Variants in STAB1 observed in about 807,000 individuals in gnomAD.
STAB1 encodes the protein stabilin-1.
A neutral mutation model predicts 332.4 loss-of-function variants in STAB1; 250 were observed. The observed-to-expected ratio is 0.75, with a 90% CI of 0.68 to 0.84. The LOEUF is 0.84. Ranked by LOEUF, STAB1 falls within the 40% of genes least tolerant of loss-of-function variation. The pLI is 0.00. For missense variants in STAB1, 3,249 were observed against 3,489.7 expected (o/e 0.93, Z 1.74); for synonymous variants, 1,475 against 1,390.4 (o/e 1.06, Z -1.35).
intron 43 of STAB1, 76 bp from the exon 44 acceptor site, chr3:52,517,474 G>C (rs1414901097): frequency 6.3e-7 from 1 of 1,588,516 alleles, no homozygotes; most frequent in South Asian, 1.1e-5. Context: ...GGCCCGGGGA[G>C]GGGGGTGACC....
At chr3:52,509,530 A>C (rs1257470234) in intron 22 of STAB1, 1 of 591,832 alleles carries the variant, frequency 1.7e-6, no homozygotes, top group Non-Finnish European at 3.0e-6. Flanking sequence ...AGGGGAGTGG[A>C]GGAAGATTTG....
chr3:52,513,272 A>G (rs1709431537), intron 30 of STAB1, 31 bp downstream of exon 30: 2 of 1,543,212 alleles, frequency 1.3e-6, no homozygotes, highest in African/African-American at 1.4e-5. Flanking sequence ...AGAAAAGGGG[A>G]CCAGGTAGGG....
chr3:52,521,767 C>CCA, intron 57 of STAB1, 67 bp downstream of exon 57: 1 of 1,603,752 alleles, frequency 6.2e-7, no homozygotes. Flanking sequence ...AGTAAAGGCA[C>CCA]CAAGGGTGGG....
At position 52,513,147 on chromosome 3, in the gene STAB1, G is replaced by GT. The variant is rs752768319; in HGVS notation, c.3177dup (p.Ala1060CysfsTer30). ...CCTGTCAGGGCCCATTTTCTCCAGG[G>GT]TGCCCTCTTCGAGGAGGAGCTGGCC... On this transcript the variant is annotated frameshift_variant, in exon 30 of 69. Transcript: ENST00000321725. LOFTEE classifies it high-confidence loss of function. The GT allele has an allele frequency of 1.3e-6, 2 of 1,572,032 alleles. No individual in the cohort carries two copies. Among genetic ancestry groups the GT allele is most frequent in the Non-Finnish European group, 1.7e-6 (2 of 1,158,408 alleles).
Position 52,518,720 on chromosome 3 carries a change from C to T in STAB1, c.4888-3C>T, listed in dbSNP as rs1242761695. 6.2e-7 allele frequency: 1 copy of T among 1,612,444 alleles called. No individual in the cohort carries two copies. The highest frequency in any genetic ancestry group is 8.5e-7 in the Non-Finnish European group (1 of 1,179,694). Reference sequence around the variant, plus strand: ...CCCCACTCCCCTCGCGACTCTGCTCCAGGATGAGCTGGCCCGGATTCGTGC... The same window carrying T: ...CCCCACTCCCCTCGCGACTCTGCTCTAGGATGAGCTGGCCCGGATTCGTGC... On this transcript the variant is annotated splice_region_variant and splice_polypyrimidine_tract_variant and intron_variant, in intron 47 of 68. Transcript: ENST00000321725.
intron 30 of STAB1, 114 bp downstream of exon 30, chr3:52,513,355 C>G: frequency 9.9e-7 from 1 of 1,012,756 alleles, no homozygotes; most frequent in East Asian, 2.6e-5. Context: ...GGGGTCCCCT[C>G]GCCCTGCCCA....
intron 25 of STAB1, among the ~76,000 whole-genome samples, chr3:52,510,946 G>T (rs116111745): frequency 1.3e-5 from 2 of 152,224 alleles, no homozygotes; most frequent in Non-Finnish European, 2.9e-5. Flanking sequence ...ACTGTCTAAC[G>T]CGCCAAGTGG....
At chr3:52,509,087 C>G in intron 21 of STAB1, 123 bp from the exon 22 acceptor site, 1 of 847,700 alleles carries the variant, frequency 1.2e-6, no homozygotes, top group Non-Finnish European at 1.8e-6. Flanking sequence ...AAGATCCCTT[C>G]CAGGATGAGC....
At chr3:52,501,471 G>A (rs944505676) in intron 2 of STAB1, 167 bp from the exon 3 acceptor site, 2 of 1,163,638 alleles carry the variant, frequency 1.7e-6, no homozygotes, top group African/African-American at 1.5e-5. Context: ...AAAGGCGAGG[G>A]GCAGGAGGGG....
chr3:52,521,987 C>T, intron 58 of STAB1, 36 bp downstream of exon 58: 1 of 1,607,108 alleles, frequency 6.2e-7, no homozygotes, highest in Non-Finnish European at 8.5e-7. Context: ...GGTGGGAGGC[C>T]CCCACTCCCC....
intron 25 of STAB1, among the ~76,000 whole-genome samples, chr3:52,510,994 G>A (rs975509821): frequency 5.9e-5 from 9 of 152,232 alleles, no homozygotes; most frequent in Non-Finnish European, 2.9e-5. Flanking sequence ...GCCTCTGCAT[G>A]GCCAGGCCTG....
intron 20 of STAB1, 83 bp from the exon 21 acceptor site, chr3:52,508,190 A>T: frequency 7.0e-7 from 1 of 1,422,012 alleles, no homozygotes; most frequent in Non-Finnish European, 9.7e-7. Context: ...GTCACTCTGG[A>T]GATGGGGCCA....
chr3:52,499,378 C>A (rs1204302899), intron 1 of STAB1, among the ~76,000 whole-genome samples: 1 of 152,240 alleles, frequency 6.6e-6, no homozygotes, highest in African/African-American at 2.4e-5. Context: ...CATCCTTGTG[C>A]CCATGCCGTG....
In STAB1 at chr3:52,507,625, G is replaced by A; in HGVS notation, c.2002G>A (p.Asp668Asn). The change falls in exon 19 of 69, where the codon GAC (aspartate) becomes AAC (asparagine). Residue 668 changes from aspartate to asparagine, a missense_variant. Coordinates refer to ENST00000321725, the MANE Select transcript of STAB1 (RefSeq NM_015136.3). ...QHKIVAGSCV[D>N]CQALNTSTCP... ...CTGCCCTGCCCAGGGCTCCTGTGTG[G>A]ACTGCCAAGCCCTGAACACCAGCAC... The A allele has an allele frequency of 6.2e-7, 1 of 1,613,528 alleles. No homozygotes were observed. The highest frequency in any genetic ancestry group is 8.5e-7 in the Non-Finnish European group (1 of 1,179,956).
chr3:52,511,242 C>T (rs78300098), intron 25 of STAB1, among the ~76,000 whole-genome samples: 5 of 152,162 alleles, frequency 3.3e-5, no homozygotes, highest in Non-Finnish European at 7.4e-5. Flanking sequence ...GGGACACTGG[C>T]ATTTGGTTGG....
Position 52,520,440 on chromosome 3 carries a change from A to G in STAB1, c.5540A>G (p.Gln1847Arg). 3 of 1,612,826 alleles carry G rather than the reference A, an allele frequency of 1.9e-6. No homozygotes were observed. The highest frequency in any genetic ancestry group is 2.5e-6 in the Non-Finnish European group (3 of 1,179,856). Residue 1847 changes from glutamine to arginine, a missense_variant, in exon 53 of 69, where the codon CAG (glutamine) becomes CGG (arginine). Transcript: ENST00000321725. ...MVGEDDARIV[Q>R]RHLPFEGGLA... ...GGTGAGGATGATGCTCGCATTGTGC[A>G]GCGGCACTTGCCCTTTGAGGGTGGC... is the stretch of plus-strand genomic sequence containing the variant.
intron 30 of STAB1, among the ~76,000 whole-genome samples, 177 bp downstream of exon 30, chr3:52,513,418 G>C (rs893076160): frequency 6.6e-6 from 1 of 152,192 alleles, no homozygotes; most frequent in Non-Finnish European, 1.5e-5. Context: ...ACACTGAGTC[G>C]CTGGGCCAGG....
intron 24 of STAB1, 21 bp from the exon 25 acceptor site, chr3:52,510,328 A>G: frequency 6.2e-7 from 1 of 1,613,676 alleles, no homozygotes; most frequent in South Asian, 1.1e-5. Context: ...TCCCTCAGTT[A>G]TTTATCCATG....
At chr3:52,521,055 C>G in intron 55 of STAB1, 50 bp downstream of exon 55, 1 of 1,478,402 alleles carries the variant, frequency 6.8e-7, no homozygotes, top group Non-Finnish European at 9.0e-7. Flanking sequence ...CCAAGAGAGC[C>G]AAGGCACAGC....
Sources: gnomAD v4.1 joint callset for allele counts (sites outside exome capture counted in the v4.1 genomes callset) on GRCh38, gnomAD v4.1.1 for gene constraint, MANE v1.5 for transcripts, NCBI Gene and HGNC (gene_info 2026-07-23, HGNC 2026-07-21) for gene names.